Variants in ORC1 observed in about 807,000 individuals in gnomAD.
ORC1 encodes origin recognition complex subunit 1.
A neutral mutation model predicts 98.9 loss-of-function variants in ORC1; 61 were observed. The ratio of observed to expected loss-of-function variants is 0.62; its 90% CI spans 0.50 to 0.76. The LOEUF (loss-of-function observed/expected upper bound fraction) is 0.76. Ranked by LOEUF, ORC1 falls within the 30% of genes least tolerant of loss-of-function variation. The pLI is 0.00. For missense variants in ORC1, 979 were observed against 1,072.2 expected (o/e 0.91, Z 1.21); for synonymous variants, 385 against 406.9 (o/e 0.95, Z 0.65).
rs777391341 is a variant in ORC1, at chr1:52,396,329, C to T, written c.438G>A (p.Thr146=). ...AGAGTGTCTTCTCATTTTTCAGATT[C>T]GTCGGTACCACATCCTTTGGGGCTA... ...IPLAPKDVVP[T]NLKNEKTLFV... is the part of the protein sequence containing the mutation. Residue 146 remains threonine, a synonymous_variant, in exon 5 of 17, where the codon ACG becomes ACA. Coordinates refer to ENST00000371568, the MANE Select transcript of ORC1 (RefSeq NM_004153.4). The T allele has an allele frequency of 1.4e-5, 22 of 1,614,010 alleles. No homozygotes were observed. Among genetic ancestry groups the T allele is most frequent in the Middle Eastern group, 3.3e-4 (2 of 6,084 alleles).
intron 16 of ORC1, among the ~76,000 whole-genome samples, chr1:52,374,392 G>C (rs1324227310): frequency 6.6e-6 from 1 of 152,180 alleles, no homozygotes; most frequent in African/African-American, 2.4e-5. Flanking sequence ...CCAATTACTA[G>C]AGTCTTAAGT....
intron 3 of ORC1, 116 bp from the exon 4 acceptor site, chr1:52,397,979 GT>G (rs1022811731): frequency 2.0e-6 from 2 of 1,023,410 alleles, no homozygotes; most frequent in Non-Finnish European, 3.0e-6. Context: ...TTTGTTTTTT[GT>G]TTTTTGAGAC....
chr1:52,381,507 T>A, intron 14 of ORC1, 135 bp downstream of exon 14: 2 of 929,352 alleles, frequency 2.2e-6, no homozygotes, highest in East Asian at 2.9e-5. Flanking sequence ...TTTCTCATAA[T>A]CTTGTCTTTT....
chr1:52,376,173 A>T (rs192848632), intron 14 of ORC1, among the ~76,000 whole-genome samples: 1 of 152,270 alleles, frequency 6.6e-6, no homozygotes, highest in Non-Finnish European at 1.5e-5. Context: ...GGAGTTTGAG[A>T]CCAGCCTGGC....
At chr1:52,382,300 A>C (rs1647082053) in intron 13 of ORC1, among the ~76,000 whole-genome samples, 1 of 151,874 alleles carries the variant, frequency 6.6e-6, no homozygotes, top group South Asian at 2.1e-4. Flanking sequence ...TATAGGCATG[A>C]GCCACCACGC....
intron 3 of ORC1, among the ~76,000 whole-genome samples, chr1:52,398,800 C>T (rs1194509444): frequency 2.7e-5 from 4 of 150,050 alleles, no homozygotes; most frequent in Non-Finnish European, 3.0e-5. Context: ...TTAGCCAGGA[C>T]GGTCTCAATC....
intron 8 of ORC1, 113 bp from the exon 9 acceptor site, chr1:52,386,062 C>T: frequency 1.3e-6 from 1 of 767,288 alleles, no homozygotes; most frequent in South Asian, 1.5e-5. Context: ...GTGGTGAATT[C>T]CTCTTAGTTC....
chr1:52,404,723 C>A, upstream of ORC1: 3 of 1,607,900 alleles, frequency 1.9e-6, no homozygotes, highest in Non-Finnish European at 2.5e-6. Flanking sequence ...AAGGATCCGA[C>A]GGAAATAGAA....
At chr1:52,408,716 T>C, upstream of ORC1, 1 of 1,609,972 alleles carries the variant, frequency 6.2e-7, no homozygotes, top group Non-Finnish European at 8.5e-7. Flanking sequence ...AGTCTCCTGA[T>C]TGTCATTTTT....
In ORC1 at chr1:52,385,252, A is replaced by C. The variant is rs752378828; in HGVS notation, c.1492T>G (p.Ser498Ala). 1 of 1,611,522 alleles carries C rather than the reference A, an allele frequency of 6.2e-7. No homozygotes were observed. Among genetic ancestry groups the C allele is most frequent in the East Asian group, 2.2e-5 (1 of 44,864 alleles). Residue 498 changes from serine (S) to alanine (A), a missense_variant, in exon 10 of 17, where the codon TCT becomes GCT. By Grantham distance (99) the Ser-to-Ala change is moderately conservative. Transcript: ENST00000371568. ...LEEARLRLHVSAVPESLPCRE... is the reference protein window; with the variant it reads ...LEEARLRLHVAAVPESLPCRE... ...CAGGGAAGAGACTCAGGTACAGCAGAAACATGCAGCCTACCATTGGTGGTA... is the reference window on the plus strand; with the variant it reads ...CAGGGAAGAGACTCAGGTACAGCAGCAACATGCAGCCTACCATTGGTGGTA...
At chr1:52,401,264 G>A (rs1647691103) in intron 3 of ORC1, 98 bp downstream of exon 3, 3 of 1,468,554 alleles carry the variant, frequency 2.0e-6, no homozygotes. Context: ...TCAGTCTAAT[G>A]TGCCCTGCAC....
intron 4 of ORC1, 98 bp downstream of exon 4, chr1:52,397,587 T>G (rs989995539): frequency 1.9e-6 from 2 of 1,070,502 alleles, no homozygotes; most frequent in Non-Finnish European, 2.9e-6. Flanking sequence ...GCATTCCCTA[T>G]GGGGTATTAG....
At chr1:52,389,879 A>C (rs1647186958) in intron 6 of ORC1, among the ~76,000 whole-genome samples, 1 of 152,260 alleles carries the variant, frequency 6.6e-6, no homozygotes, top group Non-Finnish European at 1.5e-5. Flanking sequence ...AGTCCTAGCC[A>C]GAGCAATCAG....
intron 14 of ORC1, among the ~76,000 whole-genome samples, chr1:52,376,833 C>T (rs949415046): frequency 1.3e-5 from 2 of 152,074 alleles, no homozygotes; most frequent in African/African-American, 2.4e-5. Flanking sequence ...AAGGGAGACA[C>T]AAGAAGAAGC....
At chr1:52,385,297 T>C (rs934896560) in intron 9 of ORC1, 35 bp from the exon 10 acceptor site, 12 of 1,302,544 alleles carry the variant, frequency 9.2e-6, no homozygotes, top group Non-Finnish European at 1.3e-5. Flanking sequence ...AAAGGAAGAC[T>C]TTAGGAACAT....
rs757430297 is a variant in ORC1 at position 52,373,279 on chromosome 1, G to A, written c.2488C>T (p.Arg830Cys). 2.7e-5 allele frequency: 43 copies of A among 1,614,044 alleles called. No individual in the cohort carries two copies. Among genetic ancestry groups the A allele is most frequent in the Admixed American group, 1.2e-4 (7 of 60,010 alleles). ...CTGCTGGGCTCCACAAGCAGGAGGC[G>A]ACAGGAGCCCAGGTGAGAACACACG... ...MAVCSHLGSC[R>C]LLLVEPSRND... is the part of the protein sequence containing the mutation. The change falls in exon 17 of 17, where the codon CGC becomes TGC. Residue 830 changes from arginine to cysteine, a missense_variant. Transcript: ENST00000371568.
chr1:52,373,460 T>C, intron 16 of ORC1, 85 bp from the exon 17 acceptor site: 1 of 1,182,526 alleles, frequency 8.5e-7, no homozygotes, highest in African/African-American at 1.5e-5. Flanking sequence ...TTTGGGAAAA[T>C]CAGACACATG....
At chr1:52,388,726 C>CA in intron 7 of ORC1, 89 bp from the exon 8 acceptor site, 1 of 1,197,020 alleles carries the variant, frequency 8.4e-7, no homozygotes, top group Non-Finnish European at 1.2e-6. Flanking sequence ...ACAAGTATTG[C>CA]AGGGTCCCTC....
At position 52,396,102 on chromosome 1, in the gene ORC1, C is replaced by G; in HGVS notation, c.665G>C (p.Arg222Pro). 1 of 1,614,150 alleles carries G rather than the reference C, an allele frequency of 6.2e-7. No homozygotes were observed. The highest frequency in any genetic ancestry group is 8.5e-7 in the Non-Finnish European group (1 of 1,180,046). Residue 222 changes from arginine (R) to proline (P), a missense_variant, in exon 5 of 17, where the codon CGC becomes CCC. Coordinates refer to ENST00000371568, the MANE Select transcript of ORC1 (RefSeq NM_004153.4). The stretch of plus-strand genomic sequence containing the variant: ...GGTAAGAGGATGGGTAGGAGTTTGG[C>G]GAGATTTGGAGGCGGAGTGCCTTGA... Reference protein sequence around the residue: ...IESRHSASKSRQTPTHPLTPR... With the variant: ...IESRHSASKSPQTPTHPLTPR...
Sources: allele counts gnomAD v4.1 joint callset (sites outside exome capture counted in the v4.1 genomes callset), GRCh38; gene constraint gnomAD v4.1.1; transcripts MANE v1.5; gene names NCBI Gene and HGNC (gene_info 2026-07-23, HGNC 2026-07-21).